NPAS3: variants seen among roughly 807,000 people sequenced by gnomAD.
The protein encoded by NPAS3 is neuronal PAS domain-containing protein 3.
A neutral mutation model predicts 73.1 loss-of-function variants in NPAS3; 14 were observed. The ratio of observed to expected loss-of-function variants is 0.19; its 90% CI spans 0.13 to 0.30. The LOEUF is 0.30. Among genes scored for constraint, NPAS3 ranks in the 10% least tolerant of loss-of-function variants. The pLI, the probability that NPAS3 is intolerant of heterozygous loss-of-function variation, is 1.00. For missense variants in NPAS3, 1,096 were observed against 1,250.0 expected (o/e 0.88, Z 1.86); for synonymous variants, 620 against 541.5 (o/e 1.14, Z -2.01).
intron 5 of NPAS3, among the ~76,000 whole-genome samples, chr14:33,576,138 T>G (rs2056424412): frequency 6.6e-6 from 1 of 152,216 alleles, no homozygotes; most frequent in Non-Finnish European, 1.5e-5. Flanking sequence ...TCCATGTCTG[T>G]TTCCAGCTGA....
At chr14:33,455,379 C>T (rs562607846) in intron 4 of NPAS3, among the ~76,000 whole-genome samples, 6 of 152,254 alleles carry the variant, frequency 3.9e-5, no homozygotes, top group South Asian at 2.1e-4. Context: ...TGAAATTCTT[C>T]GGGCTTTCAC....
At chr14:33,203,717 T>A (rs1235329332) in intron 2 of NPAS3, among the ~76,000 whole-genome samples, 3 of 152,262 alleles carry the variant, frequency 2.0e-5, no homozygotes, top group Non-Finnish European at 4.4e-5. Context: ...TAATCCATTC[T>A]GTCATTGTTG....
At chr14:33,384,681 G>A (rs2046701444) in intron 4 of NPAS3, among the ~76,000 whole-genome samples, 1 of 152,190 alleles carries the variant, frequency 6.6e-6, no homozygotes, top group Admixed American at 6.5e-5. Context: ...AGTGGGCCGA[G>A]ATCGCTCTAT....
At chr14:33,453,702 C>G (rs2049902321) in intron 4 of NPAS3, among the ~76,000 whole-genome samples, 1 of 152,232 alleles carries the variant, frequency 6.6e-6, no homozygotes, top group Admixed American at 6.5e-5. Flanking sequence ...TCAGTCCCAG[C>G]TGGGCTTAAG....
chr14:33,409,001 C>T (rs1434251318), intron 4 of NPAS3, among the ~76,000 whole-genome samples: 1 of 152,194 alleles, frequency 6.6e-6, no homozygotes, highest in African/African-American at 2.4e-5. Context: ...ATCAAACCAA[C>T]AGGTGTTATG....
At chr14:33,738,236 T>A (rs2140667721) in intron 7 of NPAS3, among the ~76,000 whole-genome samples, 1 of 152,284 alleles carries the variant, frequency 6.6e-6, no homozygotes, top group South Asian at 2.1e-4. Flanking sequence ...CTTTGCCCAT[T>A]TTCATACAGC....
At chr14:33,161,758 A>G (rs566067586) in intron 2 of NPAS3, among the ~76,000 whole-genome samples, 2 of 152,354 alleles carry the variant, frequency 1.3e-5, no homozygotes, top group Non-Finnish European at 1.5e-5. Flanking sequence ...TGGAGGAGAT[A>G]GTCAATGAGA....
At chr14:33,463,412 A>G (rs1290788986) in intron 4 of NPAS3, among the ~76,000 whole-genome samples, 1 of 152,194 alleles carries the variant, frequency 6.6e-6, no homozygotes, top group African/African-American at 2.4e-5. Context: ...CCAATAGCTC[A>G]TTTGGAATAT....
Position 33,582,737 on chromosome 14 carries a change from A to T in NPAS3, c.558+22527A>T, listed in dbSNP as rs906823552. Reference sequence around the variant, plus strand: ...ATATTAAGATAATAAGTCATGTGACAGAAAAACAAAGCAGGCATTATTTTT... The same window carrying T: ...ATATTAAGATAATAAGTCATGTGACTGAAAAACAAAGCAGGCATTATTTTT... On this transcript the variant is annotated intron_variant, in intron 5 of 11. Transcript: ENST00000356141. 2.6e-5 allele frequency among the ~76,000 whole-genome samples: 4 copies of T among 152,230 alleles called. 1 individual carries two copies. In the South Asian group the frequency reaches 6.2e-4, roughly 24 times the overall value.
intron 5 of NPAS3, among the ~76,000 whole-genome samples, chr14:33,671,855 T>G (rs2059618163): frequency 6.6e-6 from 1 of 152,216 alleles, no homozygotes; most frequent in Non-Finnish European, 1.5e-5. Context: ...CATGGATTTT[T>G]GAAGTTCTCA....
chr14:33,323,371 G>T (rs1239115530), intron 3 of NPAS3, among the ~76,000 whole-genome samples: 1 of 152,104 alleles, frequency 6.6e-6, no homozygotes, highest in East Asian at 1.9e-4. Context: ...CTGAGTAATG[G>T]TTGTTGACTA....
chr14:33,638,575 T>C (rs1228279044), intron 5 of NPAS3, among the ~76,000 whole-genome samples: 1 of 152,240 alleles, frequency 6.6e-6, no homozygotes, highest in East Asian at 1.9e-4. Flanking sequence ...GTCGTACACA[T>C]ATGAACACAC....
chr14:33,350,339 G>C (rs1303353185), intron 3 of NPAS3, among the ~76,000 whole-genome samples: 3 of 152,188 alleles, frequency 2.0e-5, no homozygotes, highest in Non-Finnish European at 4.4e-5. Flanking sequence ...GAATATTTAA[G>C]AGTCATGTTT....
At position 33,394,587 on chromosome 14, in the gene NPAS3, T is replaced by C. The variant is rs923404166; in HGVS notation, c.468+27319T>C. Among the ~76,000 whole-genome samples, 9 of 152,306 alleles carry C rather than the reference T, an allele frequency of 5.9e-5. No individual in the cohort carries two copies. In the South Asian group the frequency reaches 1.7e-3, roughly 28 times the overall value. ...TAATAGCTAGAACTTTTTTAGCTAA[T>C]TTTTACTAATTTTGTTGTTCAATGA... On this transcript the variant is annotated intron_variant, in intron 4 of 11. Transcript: ENST00000356141.
At chr14:33,779,684 A>G (rs1431841801) in intron 9 of NPAS3, among the ~76,000 whole-genome samples, 1 of 152,246 alleles carries the variant, frequency 6.6e-6, no homozygotes, top group Admixed American at 6.5e-5. Context: ...CTTTTGGTCT[A>G]GGAGCATTAG....
At chr14:32,976,331 G>C (rs1029773254) in intron 1 of NPAS3, among the ~76,000 whole-genome samples, 1 of 152,082 alleles carries the variant, frequency 6.6e-6, no homozygotes, top group African/African-American at 2.4e-5. Context: ...GAATACTCCA[G>C]GTGGTTTGTA....
At chr14:33,738,742 C>T (rs2061585339) in intron 7 of NPAS3, among the ~76,000 whole-genome samples, 1 of 152,212 alleles carries the variant, frequency 6.6e-6, no homozygotes, top group Non-Finnish European at 1.5e-5. Context: ...GGACCAGCCA[C>T]TTTTTATGCC....
At chr14:33,022,664 C>CAAA (rs34475386) in intron 1 of NPAS3, among the ~76,000 whole-genome samples, 1 of 97,458 alleles carries the variant, frequency 1.0e-5, no homozygotes, top group East Asian at 3.1e-4. Flanking sequence ...GACTCCGTCC[C>CAAA]AAAAAAAAAA....
At chr14:33,673,906 A>G (rs190730729) in intron 5 of NPAS3, among the ~76,000 whole-genome samples, 45 of 152,352 alleles carry the variant, frequency 3.0e-4, no homozygotes, top group Middle Eastern at 3.4e-3. Flanking sequence ...GCATTCCTCC[A>G]CACTGTGCAG....
Sources: gnomAD v4.1 joint callset for allele counts (sites outside exome capture counted in the v4.1 genomes callset) on GRCh38, gnomAD v4.1.1 for gene constraint, MANE v1.5 for transcripts, NCBI Gene and HGNC (gene_info 2026-07-23, HGNC 2026-07-21) for gene names.